Variants in UBE2L3 observed in about 807,000 individuals in gnomAD.
UBE2L3 encodes ubiquitin conjugating enzyme E2 L3.
Under a neutral mutation model 17.8 loss-of-function variants are expected in UBE2L3, and 1 was observed. The observed-to-expected ratio is 0.06, with a 90% confidence interval of 0.02 to 0.27. The LOEUF is 0.27. Among genes scored for constraint, UBE2L3 ranks in the 10% least tolerant of loss-of-function variants. The pLI is 1.00. For synonymous variants in UBE2L3, 44 were observed against 68.5 expected (o/e 0.64, Z 1.76); for missense variants, 40 against 192.6 (o/e 0.21, Z 4.69).
intron 1 of UBE2L3, among the ~76,000 whole-genome samples, chr22:21,586,924 GGCTGGAGTTGGA>G (rs993128098): frequency 6.8e-6 from 1 of 147,894 alleles, no homozygotes; most frequent in African/African-American, 2.5e-5. Flanking sequence ...CTGTCGCCCA[GGCTGGAGTTGGA>G]GTACAATGGT....
At chr22:21,580,923 G>A (rs929654142) in intron 1 of UBE2L3, among the ~76,000 whole-genome samples, 1 of 151,742 alleles carries the variant, frequency 6.6e-6, no homozygotes, top group Non-Finnish European at 1.5e-5. Context: ...CCGTTGCCCA[G>A]GCTGGAGTGC....
intron 3 of UBE2L3, among the ~76,000 whole-genome samples, chr22:21,615,717 C>CT (rs768253385): frequency 6.6e-6 from 1 of 152,212 alleles, no homozygotes; most frequent in Non-Finnish European, 1.5e-5. Flanking sequence ...AATCAATACT[C>CT]TCGGCACTCG....
intron 1 of UBE2L3, among the ~76,000 whole-genome samples, chr22:21,557,208 A>G (rs1433340838): frequency 6.6e-6 from 1 of 152,228 alleles, no homozygotes; most frequent in Non-Finnish European, 1.5e-5. Context: ...CTATAAAAAA[A>G]TTACAAAATT....
upstream of UBE2L3, among the ~76,000 whole-genome samples, chr22:21,565,163 A>G (rs140486): frequency 1 from 151,854 of 151,916 alleles, 75,897 homozygotes; most frequent in Admixed American, 1. Flanking sequence ...AGCTATCTCC[A>G]CTCACGGCAA....
chr22:21,612,793 C>T (rs907424557), intron 3 of UBE2L3, among the ~76,000 whole-genome samples: 9 of 151,172 alleles, frequency 6.0e-5, no homozygotes, highest in Admixed American at 1.3e-4. Context: ...ACAGCCACCA[C>T]GCTCGGCTAA....
chr22:21,590,745 A>G (rs1003009364), intron 1 of UBE2L3, among the ~76,000 whole-genome samples: 5 of 152,216 alleles, frequency 3.3e-5, no homozygotes, highest in African/African-American at 1.2e-4. Context: ...TCCTTAGCCA[A>G]GAATCTTACT....
intron 1 of UBE2L3, among the ~76,000 whole-genome samples, chr22:21,569,363 T>A (rs1926830914): frequency 8.0e-6 from 1 of 124,398 alleles, no homozygotes; most frequent in African/African-American, 3.2e-5. Context: ...ACCACTGCAC[T>A]CCAGCCAGGG....
chr22:21,614,216 C>G (rs1929649214), intron 3 of UBE2L3, among the ~76,000 whole-genome samples: 1 of 152,188 alleles, frequency 6.6e-6, no homozygotes. Context: ...GACTGCTGTT[C>G]AGCTGCCACT....
intron 2 of UBE2L3, among the ~76,000 whole-genome samples, chr22:21,605,694 C>T (rs1163216002): frequency 2.6e-5 from 4 of 152,084 alleles, no homozygotes; most frequent in Non-Finnish European, 5.9e-5. Flanking sequence ...TTAGTAGAAA[C>T]GGGGTTTCAC....
chr22:21,609,507 G>A (rs1929360476), intron 2 of UBE2L3, among the ~76,000 whole-genome samples: 1 of 152,122 alleles, frequency 6.6e-6, no homozygotes, highest in East Asian at 1.9e-4. Flanking sequence ...AGGAGTTTGA[G>A]ACCAACCTGG....
intron 1 of UBE2L3, among the ~76,000 whole-genome samples, chr22:21,582,298 CCA>C (rs1432300887): frequency 6.6e-6 from 1 of 151,328 alleles, no homozygotes; most frequent in Admixed American, 6.6e-5. Context: ...CATCAAGGCT[CCA>C]GTTTTTTCCT....
In UBE2L3 at chr22:21,597,775, A is replaced by ATTTTTTTTTTTTTTTTTTTTTTT. The variant is rs35054754; in HGVS notation, c.123+4829_123+4851dup. On this transcript the variant is annotated intron_variant, in intron 2 of 3. Coordinates refer to ENST00000342192, the MANE Select transcript of UBE2L3 (RefSeq NM_003347.4). Reference sequence around the variant, plus strand: ...GGATCTTTGATCCATTTATATGTAGATTTTTTTTTTTTTTTTTTTTTTTTT... The same window carrying ATTTTTTTTTTTTTTTTTTTTTTT: ...GGATCTTTGATCCATTTATATGTAGATTTTTTTTTTTTTTTTTTTTTTTTTTTTTTTTTTTTTTTTTTTTTTTT... Among the ~76,000 whole-genome samples the ATTTTTTTTTTTTTTTTTTTTTTT allele has an allele frequency of 4.3e-4, 11 of 25,600 alleles. 4 individuals are homozygous for ATTTTTTTTTTTTTTTTTTTTTTT. The highest frequency in any genetic ancestry group is 7.6e-4 in the Non-Finnish European group (11 of 14,436). 16.8% of individuals were successfully genotyped at this position (25,600 alleles called of 152,430 possible).
intron 2 of UBE2L3, among the ~76,000 whole-genome samples, chr22:21,600,315 AAAAAC>A (rs921748192): frequency 3.9e-5 from 6 of 152,178 alleles, no homozygotes; most frequent in African/African-American, 4.8e-5. Context: ...CTCCATCTAA[AAAAAC>A]AAAACAAAAC....
intron 1 of UBE2L3, among the ~76,000 whole-genome samples, chr22:21,558,007 G>A (rs1926299580): frequency 6.6e-6 from 1 of 150,982 alleles, no homozygotes; most frequent in Admixed American, 6.6e-5. Flanking sequence ...GACCCGGAGA[G>A]AAGGCAATAT....
At chr22:21,601,060 A>G (rs937554850) in intron 2 of UBE2L3, among the ~76,000 whole-genome samples, 3 of 151,684 alleles carry the variant, frequency 2.0e-5, no homozygotes, top group African/African-American at 7.3e-5. Context: ...AGTCCCAGCT[A>G]CTTGGGAGGC....
intron 1 of UBE2L3, among the ~76,000 whole-genome samples, chr22:21,580,687 T>G (rs1380207836): frequency 6.6e-6 from 1 of 152,046 alleles, no homozygotes; most frequent in Non-Finnish European, 1.5e-5. Flanking sequence ...CCTGACCTTG[T>G]GATCCCCCCA....
intron 1 of UBE2L3, among the ~76,000 whole-genome samples, chr22:21,568,621 A>G (rs1055796597): frequency 7.9e-5 from 12 of 152,154 alleles, no homozygotes; most frequent in African/African-American, 2.9e-4. Context: ...TGAGGAACAC[A>G]TGCTAAATTG....
chr22:21,559,476 A>G lies in UBE2L3; in HGVS notation c.201+9826A>G, dbSNP rs567096666. The stretch of plus-strand genomic sequence containing the variant: ...ATGCAAAGGTTAAATACAAATAACA[A>G]TGGAATGTAGTAACATTGGCGCTTG... On this transcript the variant is annotated intron_variant, in intron 1 of 3. Coordinates refer to the UBE2L3 transcript ENST00000458578. Among the ~76,000 whole-genome samples the G allele has an allele frequency of 2.4e-3, 367 of 152,292 alleles. 2 individuals are homozygous for G. Among genetic ancestry groups the G allele is most frequent in the Non-Finnish European group, 3.2e-3 (218 of 68,042 alleles).
intron 2 of UBE2L3, among the ~76,000 whole-genome samples, chr22:21,597,662 A>C (rs1928603597): frequency 6.7e-6 from 1 of 149,036 alleles, no homozygotes; most frequent in African/African-American, 2.5e-5. Flanking sequence ...CTTTGGTTTG[A>C]TTTTTAAGAC....
Sources: allele counts gnomAD v4.1 joint callset (sites outside exome capture counted in the v4.1 genomes callset), GRCh38; gene constraint gnomAD v4.1.1; transcripts MANE v1.5; gene names NCBI Gene and HGNC (gene_info 2026-07-23, HGNC 2026-07-21).